Variants in RNF214 observed in about 807,000 individuals in gnomAD.
RNF214 encodes the protein ring finger protein 214.
Under a neutral mutation model 75.9 loss-of-function variants are expected in RNF214, and 25 were observed. The observed-to-expected ratio is 0.33, with a 90% CI of 0.24 to 0.46. The LOEUF is 0.46. Among genes scored for constraint, RNF214 ranks in the 20% least tolerant of loss-of-function variants. The pLI is 1.00. For synonymous variants in RNF214, 314 were observed against 308.8 expected, an observed-to-expected ratio of 1.02 and a Z score of -0.18; for missense variants, 725 against 857.5, an observed-to-expected ratio of 0.85 and a Z score of 1.93.
chr11:117,266,869 T>TG, intron 6 of RNF214, among the ~76,000 whole-genome samples: 1 of 148,416 alleles, frequency 6.7e-6, no homozygotes, highest in East Asian at 2.0e-4. Context: ...CTTTTTTTTT[T>TG]TTTGAGACAG....
At chr11:117,235,447 C>T (rs1049573975) in intron 2 of RNF214, among the ~76,000 whole-genome samples, 11 of 150,924 alleles carry the variant, frequency 7.3e-5, no homozygotes, top group East Asian at 3.9e-4. Context: ...CCGCCTGCCT[C>T]GGCCTCCCAA....
At chr11:117,247,567 C>T (rs963924501) in intron 6 of RNF214, among the ~76,000 whole-genome samples, 2 of 142,200 alleles carry the variant, frequency 1.4e-5, no homozygotes, top group Admixed American at 1.5e-4. Context: ...AAGTTCAGAC[C>T]ATGGGACAGG....
rs552629691 is a variant in RNF214 at position 117,266,924 on chromosome 11, G to A, written c.960-12984G>A. 1.8e-4 allele frequency among the ~76,000 whole-genome samples: 24 copies of A among 136,560 alleles called. 1 individual carries two copies. The South Asian group carries it at 5.2e-3, about 30-fold the overall frequency. 89.6% of individuals were successfully genotyped at this position (136,560 alleles called of 152,430 possible). On this transcript the variant is annotated intron_variant, in intron 6 of 14. Transcript: ENST00000300650. ...GGCTGGAATGCAATGGCACGATCTCGGCTCACGGCAATCTCTGCCTCCTGG... is the reference window on the plus strand; with the variant it reads ...GGCTGGAATGCAATGGCACGATCTCAGCTCACGGCAATCTCTGCCTCCTGG...
chr11:117,282,923 A>C, intron 13 of RNF214, 73 bp downstream of exon 13: 2 of 1,216,064 alleles, frequency 1.6e-6, no homozygotes, highest in Admixed American at 1.8e-5. Flanking sequence ...TTACAGGTGG[A>C]GTGCAGGAAG....
At chr11:117,245,089 C>T (rs1378686315) in intron 5 of RNF214, among the ~76,000 whole-genome samples, 3 of 150,760 alleles carry the variant, frequency 2.0e-5, no homozygotes, top group East Asian at 2.1e-4. Context: ...GAGGTTGAGG[C>T]GGGTGGATCA....
chr11:117,236,567 T>TTGA (rs2032917705), intron 2 of RNF214, among the ~76,000 whole-genome samples: 1 of 152,182 alleles, frequency 6.6e-6, no homozygotes, highest in Non-Finnish European at 1.5e-5. Flanking sequence ...CCACCGCACC[T>TTGA]GGCCGTCCCT....
Position 117,282,102 on chromosome 11 carries a change from G to C in RNF214, c.1544G>C (p.Gly515Ala). Residue 515 changes from glycine to alanine, a missense_variant, in exon 11 of 15, where the codon GGT becomes GCT. Coordinates refer to ENST00000300650, the MANE Select transcript of RNF214 (RefSeq NM_207343.4). ...CATGGCAGAAATAGCCCTGGCTTGG[G>C]TTCCCTTGTCAGCCCCCACGGTCCA... is the stretch of plus-strand genomic sequence containing the variant. ...GSHGRNSPGL[G>A]SLVSPHGPHM... 6.2e-7 allele frequency: 1 copy of C among 1,614,002 alleles called. No individual in the cohort carries two copies. Among genetic ancestry groups the C allele is most frequent in the Non-Finnish European group, 8.5e-7 (1 of 1,180,000 alleles).
At chr11:117,267,053 G>C (rs2033812002) in intron 6 of RNF214, among the ~76,000 whole-genome samples, 1 of 151,448 alleles carries the variant, frequency 6.6e-6, no homozygotes, top group African/African-American at 2.4e-5. Flanking sequence ...TGGTGCCCAG[G>C]CTGATCTCAA....
intron 4 of RNF214, among the ~76,000 whole-genome samples, chr11:117,240,334 G>A (rs567613674): frequency 1.4e-5 from 2 of 144,468 alleles, no homozygotes; most frequent in Admixed American, 7.2e-5. Flanking sequence ...GTGATTGTGC[G>A]ATTGTACTGC....
chr11:117,266,973 C>CAAA (rs34374425), intron 6 of RNF214, among the ~76,000 whole-genome samples: 45 of 79,838 alleles, frequency 5.6e-4, no homozygotes, highest in African/African-American at 1.9e-3. Flanking sequence ...TCCTGCCTCA[C>CAAA]AAAAAAAAAA....
chr11:117,239,076 T>C lies in RNF214; in HGVS notation c.583T>C (p.Ser195Pro), dbSNP rs755669931. 1.2e-6 allele frequency: 2 copies of C among 1,613,620 alleles called. No homozygotes were observed. The highest frequency in any genetic ancestry group is 1.7e-5 in the Admixed American group (1 of 59,996). Residue 195 changes from serine (S) to proline (P), a missense_variant, in exon 3 of 15, where the codon TCT becomes CCT. Ser to Pro is a moderately conservative substitution (Grantham distance 74). Coordinates refer to ENST00000300650, the MANE Select transcript of RNF214 (RefSeq NM_207343.4). ...RVDQDDDQDS[S>P]SLKLSQNIAV... ...GGATCAGGATGATGATCAAGATAGCTCTTCCCTGAAGCTTTCTCAGAACAT... is the reference window on the plus strand; with the variant it reads ...GGATCAGGATGATGATCAAGATAGCCCTTCCCTGAAGCTTTCTCAGAACAT...
intron 2 of RNF214, among the ~76,000 whole-genome samples, chr11:117,235,851 T>C (rs527618829): frequency 6.6e-6 from 1 of 152,234 alleles, no homozygotes; most frequent in East Asian, 1.9e-4. Flanking sequence ...GTAATTAGCA[T>C]GTCCATCATC....
At chr11:117,249,222 G>A (rs953371688) in intron 6 of RNF214, among the ~76,000 whole-genome samples, 8 of 152,100 alleles carry the variant, frequency 5.3e-5, no homozygotes, top group Non-Finnish European at 1.0e-4. Context: ...ACCGTGCCCA[G>A]CCTTTTTTTA....
rs559969307 is a variant in RNF214, at chr11:117,261,978, C to A, written c.959+15030C>A. On this transcript the variant is annotated intron_variant, in intron 6 of 14. Transcript: ENST00000300650. The stretch of plus-strand genomic sequence containing the variant: ...TTATTTTTTTCAAATGTTAAACCAA[C>A]CTTCCATTTGTGAGATAAACCCTAC... Among the ~76,000 whole-genome samples the A allele has an allele frequency of 4.0e-5, 6 of 151,718 alleles. No individual in the cohort carries two copies. The East Asian group carries it at 1.2e-3, about 30-fold the overall frequency.
At chr11:117,266,864 T>TC (rs1264644130) in intron 6 of RNF214, among the ~76,000 whole-genome samples, 3 of 148,634 alleles carry the variant, frequency 2.0e-5, no homozygotes, top group Admixed American at 2.0e-4. Context: ...TTTTTCTTTT[T>TC]TTTTTTTTGA....
At chr11:117,254,020 G>A (rs1298472785) in intron 6 of RNF214, among the ~76,000 whole-genome samples, 4 of 152,036 alleles carry the variant, frequency 2.6e-5, no homozygotes, top group African/African-American at 7.2e-5. Context: ...TTGGGAGGCC[G>A]AGTGGGGCAG....
At chr11:117,256,224 G>A (rs923356855) in intron 6 of RNF214, among the ~76,000 whole-genome samples, 25 of 152,154 alleles carry the variant, frequency 1.6e-4, no homozygotes, top group African/African-American at 6.0e-4. Flanking sequence ...ACACTTCTTC[G>A]TGGCCTTTTT....
At chr11:117,260,427 C>T (rs536895176) in intron 6 of RNF214, among the ~76,000 whole-genome samples, 2 of 152,350 alleles carry the variant, frequency 1.3e-5, no homozygotes, top group East Asian at 3.9e-4. Context: ...TTGCCAAAAA[C>T]CAAATGACGG....
At chr11:117,247,530 G>T (rs1370146797) in intron 6 of RNF214, among the ~76,000 whole-genome samples, 1 of 151,862 alleles carries the variant, frequency 6.6e-6, no homozygotes, top group Non-Finnish European at 1.5e-5. Flanking sequence ...ATCTAACACC[G>T]ATCTCACTTT....
Sources: gnomAD v4.1 joint callset for allele counts (sites outside exome capture counted in the v4.1 genomes callset) on GRCh38, gnomAD v4.1.1 for gene constraint, MANE v1.5 for transcripts, NCBI Gene and HGNC (gene_info 2026-07-23, HGNC 2026-07-21) for gene names.